LRRC7: variants seen among roughly 807,000 people sequenced by gnomAD.
LRRC7 encodes the protein leucine-rich repeat-containing protein 7.
A neutral mutation model predicts 175.7 loss-of-function variants in LRRC7; 23 were observed. That is an observed-to-expected ratio of 0.13 (90% confidence interval 0.09 to 0.19). The LOEUF is 0.19. Ranked by LOEUF, LRRC7 falls within the 10% of genes least tolerant of loss-of-function variation. The pLI, the probability that LRRC7 is intolerant of heterozygous loss-of-function variation, is 1.00. For synonymous variants in LRRC7, 685 were observed against 680.9 expected (o/e 1.01, Z -0.09); for missense variants, 1,354 against 1,904.7 (o/e 0.71, Z 5.38).
chr1:69,751,246 G>A (rs942601415), intron 2 of LRRC7, among the ~76,000 whole-genome samples: 1 of 152,020 alleles, frequency 6.6e-6, no homozygotes, highest in Non-Finnish European at 1.5e-5. Context: ...AAATTCAGTA[G>A]AGCAGGCACC....
chr1:69,640,007 T>C (rs1277618800), intron 1 of LRRC7, among the ~76,000 whole-genome samples: 2 of 151,798 alleles, frequency 1.3e-5, no homozygotes, highest in East Asian at 3.9e-4. Flanking sequence ...GCAAGATATT[T>C]ACTCCTTGCC....
At chr1:69,692,039 G>C (rs1661952410) in intron 2 of LRRC7, among the ~76,000 whole-genome samples, 1 of 152,086 alleles carries the variant, frequency 6.6e-6, no homozygotes, top group African/African-American at 2.4e-5. Context: ...ACACAGTTGG[G>C]ATTTTTGGCA....
At chr1:69,721,467 G>GT (rs777227796) in intron 2 of LRRC7, among the ~76,000 whole-genome samples, 2 of 151,628 alleles carry the variant, frequency 1.3e-5, no homozygotes, top group Non-Finnish European at 3.0e-5. Flanking sequence ...ACAGTGTGTA[G>GT]TTTTTTCAGA....
chr1:70,004,895 C>T (rs1348071666), intron 11 of LRRC7, among the ~76,000 whole-genome samples: 1 of 152,084 alleles, frequency 6.6e-6, no homozygotes, highest in Non-Finnish European at 1.5e-5. Context: ...TTTACCTCTC[C>T]CACATATTAC....
intron 7 of LRRC7, among the ~76,000 whole-genome samples, chr1:69,891,113 G>T (rs1355779926): frequency 6.6e-6 from 1 of 152,208 alleles, no homozygotes; most frequent in Admixed American, 6.5e-5. Context: ...TTGGCTAACT[G>T]TTTGGCACAA....
intron 2 of LRRC7, among the ~76,000 whole-genome samples, chr1:69,708,753 G>T (rs1260531440): frequency 6.6e-6 from 1 of 152,128 alleles, no homozygotes; most frequent in Non-Finnish European, 1.5e-5. Context: ...TGCTCCATAT[G>T]TCGCTCATAT....
chr1:69,917,130 CCTT>C (rs1467973759), intron 7 of LRRC7, among the ~76,000 whole-genome samples: 1 of 152,086 alleles, frequency 6.6e-6, no homozygotes, highest in Middle Eastern at 3.2e-3. Context: ...AGAACTTTCT[CCTT>C]AAGATAACTG....
intron 3 of LRRC7, among the ~76,000 whole-genome samples, chr1:69,784,433 G>C (rs1211551611): frequency 6.6e-6 from 1 of 152,002 alleles, no homozygotes; most frequent in Non-Finnish European, 1.5e-5. Context: ...TTCACAATAA[G>C]ACATTTTAAA....
chr1:69,909,337 G>A (rs1282455460), intron 7 of LRRC7, among the ~76,000 whole-genome samples: 12 of 152,164 alleles, frequency 7.9e-5, no homozygotes, highest in Middle Eastern at 3.4e-3. Context: ...TATTTTGCTC[G>A]TTAGTTGATG....
chr1:69,926,916 A>C (rs907119542), intron 7 of LRRC7, among the ~76,000 whole-genome samples: 1 of 152,080 alleles, frequency 6.6e-6, no homozygotes, highest in African/African-American at 2.4e-5. Context: ...TGGTCTTTAC[A>C]TTTTGGCATG....
chr1:69,771,545 A>C (rs1672242981), intron 3 of LRRC7, among the ~76,000 whole-genome samples: 1 of 152,150 alleles, frequency 6.6e-6, no homozygotes, highest in African/African-American at 2.4e-5. Flanking sequence ...TTAAAATCTG[A>C]TTCAACAACA....
intron 8 of LRRC7, among the ~76,000 whole-genome samples, chr1:69,969,175 A>G (rs1651971141): frequency 6.6e-6 from 1 of 152,132 alleles, no homozygotes. Flanking sequence ...AACCTCTTTA[A>G]AGCATAAATC....
At chr1:69,638,388 A>G (rs959236825) in intron 1 of LRRC7, among the ~76,000 whole-genome samples, 7 of 151,836 alleles carry the variant, frequency 4.6e-5, no homozygotes, top group Non-Finnish European at 1.0e-4. Context: ...GATGGTAGTC[A>G]TTCCAGTTTC....
At position 70,036,540 on chromosome 1, in the gene LRRC7, C is replaced by T; in HGVS notation, c.2204C>T (p.Ser735Leu). The part of the protein sequence containing the change: ...YSDYSPSQAS[S>L]GSSNTRVKVG... The stretch of plus-strand genomic sequence containing the variant: ...GACTACTCGCCTTCCCAGGCTTCCT[C>T]AGGATCCTCTAATACCCGGGTTAAA... Residue 735 changes from serine to leucine, a missense_variant, in exon 20 of 27, where the codon TCA (serine) becomes TTA (leucine). Physicochemically the swap from Ser to Leu is moderately radical, Grantham distance 145. Coordinates refer to ENST00000651989, the MANE Select transcript of LRRC7 (RefSeq NM_001370785.2). The T allele has an allele frequency of 6.2e-7, 1 of 1,614,124 alleles. No homozygotes were observed. Among genetic ancestry groups the T allele is most frequent in the Non-Finnish European group, 8.5e-7 (1 of 1,179,970 alleles).
intron 8 of LRRC7, among the ~76,000 whole-genome samples, chr1:69,958,883 A>G (rs1422157639): frequency 6.6e-6 from 1 of 152,088 alleles, no homozygotes; most frequent in African/African-American, 2.4e-5. Context: ...CTTAAAATAT[A>G]TTCCTTTGCA....
chr1:69,591,632 C>T (rs12065080), intron 1 of LRRC7, among the ~76,000 whole-genome samples: 13,015 of 151,948 alleles, frequency 0.086, 990 homozygotes, highest in African/African-American at 0.2. Context: ...TCCAATATCA[C>T]CAAGATAAAT....
intron 9 of LRRC7, among the ~76,000 whole-genome samples, chr1:69,981,645 C>T (rs1472363429): frequency 6.6e-6 from 1 of 152,118 alleles, no homozygotes; most frequent in Non-Finnish European, 1.5e-5. Context: ...ATCTGGATTT[C>T]ACTACTCATA....
intron 3 of LRRC7, among the ~76,000 whole-genome samples, chr1:69,781,447 C>T (rs1210497864): frequency 6.6e-6 from 1 of 151,552 alleles, no homozygotes; most frequent in East Asian, 2.0e-4. Context: ...TTTGGGAGAT[C>T]GAGGCAGGCA....
chr1:69,581,815 T>C (rs939486092), intron 1 of LRRC7, among the ~76,000 whole-genome samples: 29 of 152,200 alleles, frequency 1.9e-4, no homozygotes, highest in African/African-American at 5.8e-4. Context: ...ACTAATTTCT[T>C]CCATCTTTAC....
Sources: allele counts gnomAD v4.1 joint callset (sites outside exome capture counted in the v4.1 genomes callset), GRCh38; gene constraint gnomAD v4.1.1; transcripts MANE v1.5; gene names NCBI Gene and HGNC (gene_info 2026-07-23, HGNC 2026-07-21).